Variants in TRANK1 observed in about 807,000 individuals in gnomAD.
The protein encoded by TRANK1 is tetratricopeptide repeat and ankyrin repeat containing 1, also known as TPR and ankyrin repeat-containing protein 1.
Under a neutral mutation model 266.0 loss-of-function variants are expected in TRANK1, and 198 were observed. That is an observed-to-expected ratio of 0.74 (90% CI 0.66 to 0.84). The LOEUF (loss-of-function observed/expected upper bound fraction) is 0.84. Among genes scored for constraint, TRANK1 ranks in the 40% least tolerant of loss-of-function variants. The pLI is 0.00. For missense variants in TRANK1, 3,326 were observed against 3,634.6 expected, an observed-to-expected ratio of 0.92 and a Z score of 2.18; for synonymous variants, 1,396 against 1,384.1, an observed-to-expected ratio of 1.01 and a Z score of -0.19.
chr3:36,944,970 G>A lies in TRANK1; in HGVS notation c.-161C>T, dbSNP rs1279565142. ...CGTTCGGGGGCCCCCAGCTGCCTGCGGCTCGGCTACCCAGCCGCGATCAGA... is the reference window on the plus strand; with the variant it reads ...CGTTCGGGGGCCCCCAGCTGCCTGCAGCTCGGCTACCCAGCCGCGATCAGA... On this transcript the variant is annotated 5_prime_UTR_variant, in exon 1 of 24. Coordinates refer to ENST00000645898, the MANE Select transcript of TRANK1 (RefSeq NM_001329998.2). 5 of 639,174 alleles carry A rather than the reference G, an allele frequency of 7.8e-6. No homozygotes were observed. The highest frequency in any genetic ancestry group is 1.2e-5 in the Non-Finnish European group (5 of 419,068). The allele number at this position is 639,174 out of a possible 1,614,324, so 39.6% of individuals were successfully genotyped here.
chr3:36,911,969 C>T (rs1410902809), intron 1 of TRANK1, among the ~76,000 whole-genome samples: 1 of 152,128 alleles, frequency 6.6e-6, no homozygotes, highest in Non-Finnish European at 1.5e-5. Context: ...GGCAGATTAG[C>T]TGAGGTCAGG....
chr3:36,945,119 G>A (rs2080555508), upstream of TRANK1: 3 of 374,050 alleles, frequency 8.0e-6, no homozygotes, highest in Non-Finnish European at 1.4e-5. Context: ...AGTGGGAGGA[G>A]GTGTTTGTCA....
rs148780026 is a variant in TRANK1 at position 36,863,671 on chromosome 3, G to A, written c.1240+648C>T. On this transcript the variant is annotated intron_variant, in intron 10 of 23. Coordinates refer to ENST00000645898, the MANE Select transcript of TRANK1 (RefSeq NM_001329998.2). ...AAGGCAAGGGGATGAAGAAACTGAA[G>A]CTTAAAGAGGTTAATTAATTGGCCT... Among the ~76,000 whole-genome samples the A allele has an allele frequency of 7.1e-3, 1,085 of 152,280 alleles. 7 individuals are homozygous for A. Among genetic ancestry groups the A allele is most frequent in the Middle Eastern group, 0.027 (8 of 292 alleles).
chr3:36,879,786 G>A (rs189230249), intron 8 of TRANK1, among the ~76,000 whole-genome samples: 742 of 19,240 alleles, frequency 0.039, 113 homozygotes, highest in Middle Eastern at 0.083. Flanking sequence ...ATATAAATAT[G>A]TAAATATATA....
chr3:36,924,919 T>A (rs1404192339), intron 1 of TRANK1, among the ~76,000 whole-genome samples: 2 of 152,164 alleles, frequency 1.3e-5, no homozygotes. Flanking sequence ...CTGCTCCTGC[T>A]AAAAACAGCT....
chr3:36,828,801 T>C (rs2078659739), intron 23 of TRANK1, among the ~76,000 whole-genome samples: 2 of 152,198 alleles, frequency 1.3e-5, no homozygotes, highest in South Asian at 4.1e-4. Flanking sequence ...TTCTCTTCCC[T>C]TTGAAATACA....
intron 8 of TRANK1, among the ~76,000 whole-genome samples, chr3:36,884,438 T>A (rs1202996184): frequency 6.6e-6 from 1 of 152,136 alleles, no homozygotes; most frequent in East Asian, 1.9e-4. Flanking sequence ...AAGGAAGTGC[T>A]CAAGGGGACT....
Position 36,831,756 on chromosome 3 carries a change from C to T in TRANK1, c.7827G>A (p.Glu2609=). The change falls in exon 22 of 24, where the codon GAG becomes GAA. Residue 2609 remains glutamate (E), a synonymous_variant. Coordinates refer to ENST00000645898, the MANE Select transcript of TRANK1 (RefSeq NM_001329998.2). The surrounding 1 kb of genome is among the most constrained non-coding windows in gnomAD (Gnocchi z 5.0). Reference sequence around the variant, plus strand: ...CCCGCTTCACCACCTTCAGGAGCCTCTCGGGAACCTGGCCAGGGCAGTCCA... The same window carrying T: ...CCCGCTTCACCACCTTCAGGAGCCTTTCGGGAACCTGGCCAGGGCAGTCCA... ...MSMDCPGQVP[E]RLLKVVKRVL... 6.2e-7 allele frequency: 1 copy of T among 1,613,990 alleles called. No individual in the cohort carries two copies. Among genetic ancestry groups the T allele is most frequent in the African/African-American group, 1.3e-5 (1 of 75,036 alleles).
rs1195920147 is a variant in TRANK1, at chr3:36,892,887, A to G, written c.636+14T>C. ...TATATATATAGATATATATAGATAT[A>G]TATATCACCTTACCTCAAAGAGACT... On this transcript the variant is annotated intron_variant, in intron 6 of 23. Transcript: ENST00000645898. The G allele has an allele frequency of 1.7e-6, 2 of 1,194,520 alleles. No homozygotes were observed. Among genetic ancestry groups the G allele is most frequent in the Admixed American group, 3.2e-5 (1 of 31,402 alleles). The allele number at this position is 1,194,520 out of a possible 1,614,324, so 74.0% of individuals were successfully genotyped here. A position where few individuals can be genotyped will look rare whatever the true frequency, so the allele number is the denominator to read the frequency against.
chr3:36,864,491 G>C lies in TRANK1; in HGVS notation c.1079-11C>G. ...CACCATTGCTGAATCCTACAAAACA[G>C]CACCAGGTAATGCTTCTGAATACAG... On this transcript the variant is annotated splice_polypyrimidine_tract_variant and intron_variant, in intron 9 of 23. Coordinates refer to ENST00000645898, the MANE Select transcript of TRANK1 (RefSeq NM_001329998.2). 1 of 1,513,220 alleles carries C rather than the reference G, an allele frequency of 6.6e-7. No homozygotes were observed. 93.7% of individuals were successfully genotyped at this position (1,513,220 alleles called of 1,614,324 possible).
chr3:36,857,536 C>T lies in TRANK1; in HGVS notation c.2186G>A (p.Arg729Lys). ...EPGALRPCSLRDCLMQDITVL... is the reference protein window; with the variant it reads ...EPGALRPCSLKDCLMQDITVL... The stretch of plus-strand genomic sequence containing the variant: ...TGTGATGTCCTGCATAAGGCAGTCT[C>T]TCAGCGAGCAGGGCCTGAGAGCTCC... The change falls in exon 13 of 24, where the codon AGA becomes AAA. Residue 729 changes from arginine (R) to lysine (K), a missense_variant. Physicochemically the swap from Arg to Lys is conservative, Grantham distance 26. Coordinates refer to ENST00000645898, the MANE Select transcript of TRANK1 (RefSeq NM_001329998.2). The surrounding 1 kb of genome is among the most constrained non-coding windows in gnomAD (Gnocchi z 4.3). The T allele has an allele frequency of 6.2e-7, 1 of 1,614,048 alleles. No individual in the cohort carries two copies. Among genetic ancestry groups the T allele is most frequent in the Non-Finnish European group, 8.5e-7 (1 of 1,179,896 alleles).
chr3:36,888,417 G>T (rs1229118168), intron 8 of TRANK1, among the ~76,000 whole-genome samples: 2 of 152,200 alleles, frequency 1.3e-5, no homozygotes. Flanking sequence ...GATGTTACTT[G>T]CTCAACTCTG....
At chr3:36,940,648 G>A (rs1485426288) in intron 1 of TRANK1, among the ~76,000 whole-genome samples, 2 of 152,156 alleles carry the variant, frequency 1.3e-5, no homozygotes, top group Admixed American at 6.5e-5. Context: ...GGATTCAGGA[G>A]CTGGGAAGTC....
intron 1 of TRANK1, among the ~76,000 whole-genome samples, chr3:36,924,607 A>T (rs2125654186): frequency 6.6e-6 from 1 of 152,358 alleles, no homozygotes; most frequent in South Asian, 2.1e-4. Context: ...AGAGCAGAAT[A>T]AGGAGAACAG....
At chr3:36,885,344 C>A (rs1369003112) in intron 8 of TRANK1, among the ~76,000 whole-genome samples, 2 of 152,026 alleles carry the variant, frequency 1.3e-5, no homozygotes, top group Non-Finnish European at 2.9e-5. Flanking sequence ...TCAAACAAAC[C>A]AAAATTGATA....
chr3:36,856,100 T>C lies in TRANK1; in HGVS notation c.3622A>G (p.Asn1208Asp), dbSNP rs1201747766. Residue 1208 changes from asparagine to aspartate, a missense_variant, in exon 13 of 24, where the codon AAT (asparagine) becomes GAT (aspartate). Physicochemically the swap from Asn to Asp is conservative, Grantham distance 23. Transcript: ENST00000645898. ...GTGGACTTGGAAAGCTCAATGAAATTCCTTTGTACCTCCTGGCACAGCACA... is the reference window on the plus strand; with the variant it reads ...GTGGACTTGGAAAGCTCAATGAAATCCCTTTGTACCTCCTGGCACAGCACA... Reference protein sequence around the residue: ...NHVLCQEVQRNFIELSKSTKA... With the variant: ...NHVLCQEVQRDFIELSKSTKA... 1 of 1,613,762 alleles carries C rather than the reference T, an allele frequency of 6.2e-7. No individual in the cohort carries two copies. Among genetic ancestry groups the C allele is most frequent in the Admixed American group, 1.7e-5 (1 of 59,990 alleles).
chr3:36,912,570 G>A (rs2080067129), intron 1 of TRANK1, among the ~76,000 whole-genome samples: 1 of 152,206 alleles, frequency 6.6e-6, no homozygotes, highest in Non-Finnish European at 1.5e-5. Context: ...CTAGTTGTTG[G>A]AAGCTGTCAC....
chr3:36,846,314 C>A lies in TRANK1; in HGVS notation c.5125G>T (p.Ala1709Ser). Reference sequence around the variant, plus strand: ...CTAATGAAATATTTGAATGCGGGAGCCCGTTTCTCTCGGTTTTCATCAAAG... The same window carrying A: ...CTAATGAAATATTTGAATGCGGGAGACCGTTTCTCTCGGTTTTCATCAAAG... ...WIFDENREKR[A>S]PAFKYFIRRD... is the part of the protein sequence containing the mutation. Residue 1709 changes from alanine (A) to serine (S), a missense_variant, in exon 17 of 24, where the codon GCT becomes TCT. Physicochemically the swap from Ala to Ser is moderately conservative, Grantham distance 99. Coordinates refer to ENST00000645898, the MANE Select transcript of TRANK1 (RefSeq NM_001329998.2). 1 of 1,613,490 alleles carries A rather than the reference C, an allele frequency of 6.2e-7. No homozygotes were observed. Among genetic ancestry groups the A allele is most frequent in the Non-Finnish European group, 8.5e-7 (1 of 1,179,702 alleles).
intron 1 of TRANK1, among the ~76,000 whole-genome samples, chr3:36,939,993 C>T (rs974484441): frequency 3.3e-5 from 5 of 151,758 alleles, no homozygotes; most frequent in Admixed American, 6.6e-5. Flanking sequence ...CGGGTTCAAG[C>T]GATTCTCCTG....
Sources: allele counts gnomAD v4.1 joint callset (sites outside exome capture counted in the v4.1 genomes callset), GRCh38; gene constraint gnomAD v4.1.1; non-coding constraint Gnocchi (gnomAD v3.1); transcripts MANE v1.5; gene names NCBI Gene and HGNC (gene_info 2026-07-23, HGNC 2026-07-21).